Variants in DGKH observed in about 807,000 individuals in gnomAD.
The protein encoded by DGKH is diacylglycerol kinase eta, also known as DAG kinase eta.
A neutral mutation model predicts 159.3 loss-of-function variants in DGKH; 90 were observed. The ratio of observed to expected loss-of-function variants is 0.57; its 90% confidence interval spans 0.48 to 0.67. The LOEUF (loss-of-function observed/expected upper bound fraction) is 0.67, where lower values mean the gene tolerates loss of function less well. Among genes scored for constraint, DGKH ranks in the 30% least tolerant of loss-of-function variants. DGKH has a pLI of 0.00. For missense variants in DGKH, 1,181 were observed against 1,506.1 expected (o/e 0.78, Z 3.57); for synonymous variants, 536 against 553.8 (o/e 0.97, Z 0.45).
chr13:42,045,912 C>T (rs976857530), upstream of DGKH, among the ~76,000 whole-genome samples: 1 of 152,150 alleles, frequency 6.6e-6, no homozygotes, highest in Non-Finnish European at 1.5e-5. Flanking sequence ...AAATAATACA[C>T]GAATATTCAT....
At chr13:42,070,806 G>T in intron 1 of DGKH, 2 of 1,457,910 alleles carry the variant, frequency 1.4e-6, no homozygotes, top group Non-Finnish European at 1.9e-6. Context: ...CCGTAAGAGA[G>T]CCCACATCAT....
At chr13:42,132,474 A>G (rs1394134172) in intron 3 of DGKH, among the ~76,000 whole-genome samples, 3 of 152,246 alleles carry the variant, frequency 2.0e-5, no homozygotes, top group Non-Finnish European at 4.4e-5. Context: ...GGTGAAGACA[A>G]GGTCTAGGGT....
At chr13:42,205,495 T>C (rs1230517070) in intron 20 of DGKH, among the ~76,000 whole-genome samples, 1 of 152,212 alleles carries the variant, frequency 6.6e-6, no homozygotes, top group Admixed American at 6.5e-5. Context: ...AAGTGCTTAA[T>C]GAGAAAGTAA....
At chr13:42,112,709 T>G (rs1174633936) in intron 1 of DGKH, among the ~76,000 whole-genome samples, 1 of 152,244 alleles carries the variant, frequency 6.6e-6, no homozygotes, top group Non-Finnish European at 1.5e-5. Context: ...CATTAAATGT[T>G]GATCCCAGAA....
At chr13:42,091,737 A>C (rs1313794624) in intron 1 of DGKH, among the ~76,000 whole-genome samples, 1 of 152,176 alleles carries the variant, frequency 6.6e-6, no homozygotes, top group Non-Finnish European at 1.5e-5. Flanking sequence ...ACAACAACAA[A>C]AAATCCGATT....
rs2138326183 is a variant in DGKH, at chr13:42,241,555, T to C, written c.*12367T>C. ...ACTGATAGATCTGTAGAATGTGAACTCACATTTAAAGTTTATTTTGGGAAG... is the reference window on the plus strand; with the variant it reads ...ACTGATAGATCTGTAGAATGTGAACCCACATTTAAAGTTTATTTTGGGAAG... On this transcript the variant is annotated 3_prime_UTR_variant, in exon 30 of 30. Coordinates refer to ENST00000337343, the MANE Select transcript of DGKH (RefSeq NM_178009.5). 6.6e-6 allele frequency: 1 copy of C among 152,222 alleles called. No homozygotes were observed. Among genetic ancestry groups the C allele is most frequent in the East Asian group, 1.9e-4 (1 of 5,206 alleles). 9.4% of individuals were successfully genotyped at this position (152,222 alleles called of 1,614,324 possible). A position where few individuals can be genotyped will look rare whatever the true frequency, so the allele number is the denominator to read the frequency against.
At chr13:42,215,774 C>A (rs1201000259) in intron 26 of DGKH, 107 bp downstream of exon 26, 1 of 985,956 alleles carries the variant, frequency 1.0e-6, no homozygotes, top group African/African-American at 1.6e-5. Context: ...AAGCAGCCTT[C>A]TGGCTTCCAT....
At chr13:42,244,317 G>C (rs1958559100), downstream of DGKH, among the ~76,000 whole-genome samples, 2 of 152,162 alleles carry the variant, frequency 1.3e-5, no homozygotes, top group Non-Finnish European at 2.9e-5. Context: ...CCTCTGAGAA[G>C]GGGGCGCTCT....
intron 1 of DGKH, among the ~76,000 whole-genome samples, chr13:42,094,526 T>G (rs1045894832): frequency 3.9e-5 from 6 of 152,212 alleles, no homozygotes; most frequent in African/African-American, 1.4e-4. Context: ...AATGCTTTGT[T>G]TGAATGTTGA....
At chr13:42,099,468 A>G (rs1594025751) in intron 1 of DGKH, among the ~76,000 whole-genome samples, 1 of 152,206 alleles carries the variant, frequency 6.6e-6, no homozygotes, top group African/African-American at 2.4e-5. Flanking sequence ...GGCAGCATGG[A>G]GGATTGATGC....
chr13:42,097,178 C>T (rs960208828), intron 1 of DGKH, among the ~76,000 whole-genome samples: 19 of 152,112 alleles, frequency 1.2e-4, no homozygotes, highest in African/African-American at 4.3e-4. Context: ...TTTGTATTCC[C>T]TTTCAGTTTT....
At chr13:42,220,847 A>G (rs959315555) in intron 28 of DGKH, among the ~76,000 whole-genome samples, 2 of 152,190 alleles carry the variant, frequency 1.3e-5, no homozygotes, top group African/African-American at 2.4e-5. Flanking sequence ...AATACCCCAT[A>G]TCAGATTTTA....
At chr13:42,196,633 G>A (rs1366620653) in intron 17 of DGKH, among the ~76,000 whole-genome samples, 2 of 152,152 alleles carry the variant, frequency 1.3e-5, no homozygotes, top group South Asian at 2.1e-4. Flanking sequence ...GGTGATCGAC[G>A]GAATGGAAAA....
At position 42,077,005 on chromosome 13, in the gene DGKH, A is replaced by G. The variant is rs941301028; in HGVS notation, c.192+28040A>G. ...TCCTGTTAAATGAAAGCCCTCAAAG[A>G]TTTTCTTCATCACCTTTTATAGAAT... On this transcript the variant is annotated intron_variant, in intron 1 of 29. Transcript: ENST00000337343. 2.6e-5 allele frequency among the ~76,000 whole-genome samples: 4 copies of G among 152,062 alleles called. No homozygotes were observed. In the East Asian group the frequency reaches 7.7e-4, roughly 29 times the overall value.
At chr13:42,207,914 C>T (rs139011856) in intron 21 of DGKH, among the ~76,000 whole-genome samples, 1 of 151,934 alleles carries the variant, frequency 6.6e-6, no homozygotes, top group Non-Finnish European at 1.5e-5. Context: ...CAGTCCTATT[C>T]GAGTATAAAA....
At chr13:42,189,369 C>T (rs9566933) in intron 15 of DGKH, 60 bp downstream of exon 15, 387,199 of 1,600,350 alleles carry the variant, frequency 0.24, 48,392 homozygotes, top group African/African-American at 0.28. Flanking sequence ...GCAAGCATAA[C>T]GGAGTTTCCA....
chr13:42,121,327 A>T (rs1324739944), intron 1 of DGKH, among the ~76,000 whole-genome samples: 1 of 152,242 alleles, frequency 6.6e-6, no homozygotes, highest in Non-Finnish European at 1.5e-5. Context: ...CCTGTAGGCT[A>T]ACGTAAGTGT....
chr13:42,048,833 A>AGCCGGCGCCGCGGTC lies in DGKH; in HGVS notation c.61_75dup (p.Ala21_Val25dup), dbSNP rs1202639937. The AGCCGGCGCCGCGGTC allele has an allele frequency of 6.7e-5, 90 of 1,344,602 alleles. No individual in the cohort carries two copies. Among genetic ancestry groups the AGCCGGCGCCGCGGTC allele is most frequent in the Non-Finnish European group, 8.4e-5 (88 of 1,045,784 alleles). 83.3% of individuals were successfully genotyped at this position (1,344,602 alleles called of 1,614,324 possible). On this transcript the variant is annotated inframe_insertion, in exon 1 of 30. Transcript: ENST00000337343. The surrounding 1 kb of genome is among the most constrained non-coding windows in gnomAD (Gnocchi z 6.7). ...GCGCCGCTGGAGGAGCGGCCGCCGGAGCCGGCGCCGCGGTCACCTCCGCCG... is the reference window on the plus strand; with the variant it reads ...GCGCCGCTGGAGGAGCGGCCGCCGGAGCCGGCGCCGCGGTCGCCGGCGCCGCGGTCACCTCCGCCG...
Position 42,168,743 on chromosome 13 carries a change from G to A in DGKH, c.1292G>A (p.Gly431Asp). The A allele has an allele frequency of 6.2e-7, 1 of 1,614,110 alleles. No homozygotes were observed. Among genetic ancestry groups the A allele is most frequent in the Non-Finnish European group, 8.5e-7 (1 of 1,180,002 alleles). ...CTTGCCCGAGTTCTTGGCTGGGGAG[G>A]TTCATATGACGATGACACCCAACTT... ...NDLARVLGWG[G>D]SYDDDTQLPQ... The change falls in exon 11 of 30, where the codon GGT becomes GAT. Residue 431 changes from glycine to aspartate, a missense_variant. This residue lies in a region of DGKH where 369 missense variants were observed against 519.4 expected (regional missense o/e 0.71). Coordinates refer to ENST00000337343, the MANE Select transcript of DGKH (RefSeq NM_178009.5).
Sources: allele counts gnomAD v4.1 joint callset (sites outside exome capture counted in the v4.1 genomes callset), GRCh38; gene constraint gnomAD v4.1.1; regional missense constraint gnomAD v4.1.1; non-coding constraint Gnocchi (gnomAD v3.1); transcripts MANE v1.5; gene names NCBI Gene and HGNC (gene_info 2026-07-23, HGNC 2026-07-21).